KCNC4: variants seen among roughly 807,000 people sequenced by gnomAD.
KCNC4 encodes potassium voltage-gated channel subfamily C member 4.
KCNC4 carries 23 observed loss-of-function variants against 42.8 expected under a neutral mutation model. That is an observed-to-expected ratio of 0.54 (90% confidence interval 0.39 to 0.76). The LOEUF is 0.76. Ranked by LOEUF, KCNC4 falls within the 30% of genes least tolerant of loss-of-function variation. The pLI is 0.00. For synonymous variants in KCNC4, 422 were observed against 393.5 expected (o/e 1.07, Z -0.86); for missense variants, 751 against 898.2 (o/e 0.84, Z 2.10).
chr1:110,227,399 A>G (rs1658454397), intron 3 of KCNC4, among the ~76,000 whole-genome samples: 1 of 152,200 alleles, frequency 6.6e-6, no homozygotes, highest in Admixed American at 6.5e-5. Context: ...AGCCCCTGAA[A>G]GGTGTGTGTC....
chr1:110,211,535 G>A lies in KCNC4; in HGVS notation c.36G>A (p.Gly12=). Residue 12 remains glycine (G), a synonymous_variant, in exon 1 of 4, where the codon GGG becomes GGA. Coordinates refer to ENST00000438661, the MANE Select transcript of KCNC4 (RefSeq NM_001039574.3). This position sits in a 1 kb window ranked among gnomAD's most constrained non-coding sequence, Gnocchi z 6.5. The part of the protein sequence containing the change: ...ISSVCVSSYR[G]RKSGNKPPSK... Reference sequence around the variant, plus strand: ...CGGTGTGTGTCTCCTCCTACCGCGGGCGCAAGTCGGGGAACAAGCCTCCGT... The same window carrying A: ...CGGTGTGTGTCTCCTCCTACCGCGGACGCAAGTCGGGGAACAAGCCTCCGT... The A allele has an allele frequency of 6.2e-7, 1 of 1,614,050 alleles. No individual in the cohort carries two copies. The highest frequency in any genetic ancestry group is 8.5e-7 in the Non-Finnish European group (1 of 1,179,982).
chr1:110,226,272 G>C (rs1658391321), intron 3 of KCNC4, 94 bp downstream of exon 3: 2 of 1,032,908 alleles, frequency 1.9e-6, no homozygotes. Flanking sequence ...CCTCCCCTGA[G>C]ACCGTGGCCG....
chr1:110,236,309 A>G (rs368705325), downstream of KCNC4: 7 of 152,348 alleles, frequency 4.6e-5, no homozygotes, highest in East Asian at 1.9e-4. Context: ...CATTTCTCCA[A>G]AGTCACACAG....
At chr1:110,243,169 C>T (rs1300085549) in exon 4 of KCNC4, 1 of 152,268 alleles carries the variant, frequency 6.6e-6, no homozygotes, top group Non-Finnish European at 1.5e-5. Flanking sequence ...GCCTGGCAGG[C>T]CTGAGCACAA....
chr1:110,236,973 A>T (rs1018458394), downstream of KCNC4: 4 of 152,134 alleles, frequency 2.6e-5, no homozygotes, highest in Non-Finnish European at 5.9e-5. Context: ...CATAGTAGGT[A>T]TATATAAGAA....
At chr1:110,277,910 G>A (rs1004070154) in intron 1 of KCNC4, among the ~76,000 whole-genome samples, 5 of 152,198 alleles carry the variant, frequency 3.3e-5, no homozygotes, top group African/African-American at 1.2e-4. Context: ...CCAGCACCTT[G>A]GGAAACTGAG....
chr1:110,228,089 G>A (rs1658499002), intron 3 of KCNC4, among the ~76,000 whole-genome samples: 1 of 152,130 alleles, frequency 6.6e-6, no homozygotes, highest in Non-Finnish European at 1.5e-5. Flanking sequence ...AACTCCCAAT[G>A]CACACTCGGC....
downstream of KCNC4, chr1:110,238,252 A>G (rs1658952363): frequency 6.6e-6 from 1 of 152,200 alleles, no homozygotes; most frequent in Admixed American, 6.5e-5. Flanking sequence ...AGCAGTGGTT[A>G]GCAAGCATAT....
chr1:110,219,817 C>T (rs973624738), intron 1 of KCNC4: 4 of 152,306 alleles, frequency 2.6e-5, no homozygotes, highest in Admixed American at 6.5e-5. Flanking sequence ...GGGTCAACCA[C>T]TTATGAAATA....
In KCNC4 at chr1:110,226,052, T is replaced by A. The variant is rs771973719; in HGVS notation, c.1693T>A (p.Ser565Thr). Residue 565 changes from serine (S) to threonine (T), a missense_variant, in exon 3 of 4, where the codon TCC (serine) becomes ACC (threonine). By Grantham distance (58) the Ser-to-Thr change is moderately conservative. Around this residue, in one of 4 missense-constraint regions of KCNC4, gnomAD observed 202 missense variants for 181.5 expected, o/e 1.11. Transcript: ENST00000438661. ...GAGLTQPLASSPTPEERRALR... is the reference protein window; with the variant it reads ...GAGLTQPLASTPTPEERRALR... ...TGGCCTCACCCAACCCCTGGCCTCC[T>A]CCCCGACCCCCGAGGAGCGCCGGGC... The A allele has an allele frequency of 5.0e-6, 8 of 1,613,648 alleles. No individual in the cohort carries two copies. The highest frequency in any genetic ancestry group is 6.8e-6 in the Non-Finnish European group (8 of 1,179,888).
downstream of KCNC4, chr1:110,237,155 A>C (rs1571062226): frequency 6.6e-6 from 1 of 152,214 alleles, no homozygotes; most frequent in East Asian, 1.9e-4. Context: ...ACAAAAAAAA[A>C]GAAAAAGAAA....
At chr1:110,276,420 G>T (rs1394098330) in intron 1 of KCNC4, among the ~76,000 whole-genome samples, 4 of 151,924 alleles carry the variant, frequency 2.6e-5, no homozygotes, top group African/African-American at 9.7e-5. Context: ...CAGGACCAGA[G>T]AGAGAAAGAG....
At chr1:110,216,936 G>C (rs1439429536) in intron 1 of KCNC4, among the ~76,000 whole-genome samples, 3 of 152,192 alleles carry the variant, frequency 2.0e-5, no homozygotes, top group African/African-American at 7.2e-5. Flanking sequence ...TTGTCACTTT[G>C]TCCCAGTCAG....
intron 1 of KCNC4, among the ~76,000 whole-genome samples, chr1:110,219,557 G>T (rs1483758560): frequency 1.3e-5 from 2 of 152,134 alleles, no homozygotes; most frequent in African/African-American, 4.8e-5. Flanking sequence ...TGAGAGGGAG[G>T]CTCGGATCTC....
intron 2 of KCNC4, chr1:110,225,235 G>C (rs544596519): frequency 2.6e-5 from 4 of 152,388 alleles, no homozygotes; most frequent in African/African-American, 9.6e-5. Context: ...CCTGAGAGCA[G>C]CCACAGTAAG....
chr1:110,263,351 T>G (rs1027463164), intron 1 of KCNC4, among the ~76,000 whole-genome samples: 2 of 152,152 alleles, frequency 1.3e-5, no homozygotes, highest in African/African-American at 4.8e-5. Context: ...TAAGGGTTTT[T>G]TTTTTTCCCA....
chr1:110,245,620 A>G (rs924806418), exon 4 of KCNC4: 1 of 152,240 alleles, frequency 6.6e-6, no homozygotes, highest in Non-Finnish European at 1.5e-5. Flanking sequence ...CATACCAGCA[A>G]CCATAAGGAA....
chr1:110,270,477 A>T lies in KCNC4; in HGVS notation n.31-12057A>T, dbSNP rs112022146. Among the ~76,000 whole-genome samples the T allele has an allele frequency of 9.5e-3, 1,450 of 152,294 alleles. 18 individuals carry two copies. The highest frequency in any genetic ancestry group is 0.034 in the African/African-American group (1,395 of 41,560). ...GGCTATACTAATAATCTCAGGGTGG[A>T]CTTAGAGGCAGCCTGATGACCCTGT... is the stretch of plus-strand genomic sequence containing the variant. On this transcript the variant is annotated intron_variant and non_coding_transcript_variant, in intron 1 of 2. Coordinates refer to the KCNC4 transcript ENST00000412512.
At position 110,211,961 on chromosome 1, in the gene KCNC4, C is replaced by A. The variant is rs769117681; in HGVS notation, c.462C>A (p.Ala154=). Reference sequence around the variant, plus strand: ...TGACCTACCGGCAGCACCGCGACGCCGAGGAGGCGCTCGACATCTTCGAGA... The same window carrying A: ...TGACCTACCGGCAGCACCGCGACGCAGAGGAGGCGCTCGACATCTTCGAGA... The part of the protein sequence containing the change: ...CWMTYRQHRD[A]EEALDIFESP... Residue 154 remains alanine, a synonymous_variant, in exon 1 of 4, where the codon GCC becomes GCA. Coordinates refer to ENST00000438661, the MANE Select transcript of KCNC4 (RefSeq NM_001039574.3). The surrounding 1 kb of genome is among the most constrained non-coding windows in gnomAD (Gnocchi z 6.5). The A allele has an allele frequency of 7.9e-5, 128 of 1,611,106 alleles. No homozygotes were observed. The highest frequency in any genetic ancestry group is 9.7e-5 in the Non-Finnish European group (115 of 1,179,712).
Sources: allele counts gnomAD v4.1 joint callset (sites outside exome capture counted in the v4.1 genomes callset), GRCh38; gene constraint gnomAD v4.1.1; regional missense constraint gnomAD v4.1.1; non-coding constraint Gnocchi (gnomAD v3.1); transcripts MANE v1.5; gene names NCBI Gene and HGNC (gene_info 2026-07-23, HGNC 2026-07-21).